Variants in TRIM66 observed in about 807,000 individuals in gnomAD.
TRIM66 encodes tripartite motif-containing protein 66.
Under a neutral mutation model 148.2 loss-of-function variants are expected in TRIM66, and 99 were observed. The ratio of observed to expected loss-of-function variants is 0.67; its 90% confidence interval spans 0.57 to 0.79. The LOEUF (loss-of-function observed/expected upper bound fraction) is 0.79, where lower values mean the gene tolerates loss of function less well. TRIM66 is among the 30% of genes least tolerant of loss of function. The probability of loss-of-function intolerance (pLI) is 0.00; values close to 1 mark genes in which losing one functional copy is unlikely to be tolerated. For synonymous variants in TRIM66, 616 were observed against 635.9 expected (o/e 0.97, Z 0.47); for missense variants, 1,666 against 1,697.9 (o/e 0.98, Z 0.33).
At chr11:8,640,168 G>A in intron 14 of TRIM66, 59 bp downstream of exon 14, 3 of 1,486,462 alleles carry the variant, frequency 2.0e-6, no homozygotes, top group Non-Finnish European at 1.8e-6. Context: ...GGGAGGCTGT[G>A]TTCCCTGAGT....
intron 3 of TRIM66, among the ~76,000 whole-genome samples, chr11:8,675,520 T>A (rs2039136541): frequency 6.6e-6 from 1 of 151,826 alleles, no homozygotes. Context: ...GCAGCTGGGA[T>A]TACAAGCATG....
chr11:8,617,945 C>G lies in TRIM66; in HGVS notation c.4178G>C (p.Ter1393SerextTer33), dbSNP rs543745597. The change falls in exon 25 of 25, where the codon TGA becomes TCA. Residue 1393 changes from the stop codon to serine (S), a stop_lost. Coordinates refer to ENST00000646038, the MANE Select transcript of TRIM66 (RefSeq NM_001388022.1). ...GAGTGCCCAGTCTCCTTTTGGCTCTCACACCTGAGAGATGCTGTTGGCCAG... is the reference window on the plus strand; with the variant it reads ...GAGTGCCCAGTCTCCTTTTGGCTCTGACACCTGAGAGATGCTGTTGGCCAG... ...FRLANSISQV[*>S] 6.4e-7 allele frequency: 1 copy of G among 1,551,702 alleles called. No individual in the cohort carries two copies. The highest frequency in any genetic ancestry group is 2.0e-5 in the Admixed American group (1 of 51,006).
At chr11:8,677,871 C>T (rs2039250390) in intron 3 of TRIM66, among the ~76,000 whole-genome samples, 1 of 152,126 alleles carries the variant, frequency 6.6e-6, no homozygotes, top group African/African-American at 2.4e-5. Flanking sequence ...CTCTATCCAA[C>T]ACAGGAAAGA....
At position 8,615,023 on chromosome 11, in the gene TRIM66, G is replaced by A. The variant is rs2033636250; in HGVS notation, c.*2921C>T. 1 of 152,234 alleles carries A rather than the reference G, an allele frequency of 6.6e-6. No individual in the cohort carries two copies. The highest frequency in any genetic ancestry group is 2.1e-4 in the South Asian group (1 of 4,830). 9.4% of individuals were successfully genotyped at this position (152,234 alleles called of 1,614,324 possible). On this transcript the variant is annotated 3_prime_UTR_variant, in exon 25 of 25. Transcript: ENST00000646038. ...AGCTCACTGCAACCTCCACCTCCCG[G>A]ATTCAAGCAATTCTCCTGCCTCAGC...
rs2039069735 is a variant in TRIM66, at chr11:8,674,096, T to C, written c.-112+710A>G. 3.9e-5 allele frequency among the ~76,000 whole-genome samples: 6 copies of C among 152,356 alleles called. 1 individual carries two copies. In the South Asian group the frequency reaches 1.2e-3, roughly 32 times the overall value. ...CAGTCTCTATTAGAAGGTTCAAGCA[T>C]GCCTGAGTTTATTTCACTGGGCCAG... On this transcript the variant is annotated intron_variant, in intron 4 of 24. Transcript: ENST00000646038.
intron 10 of TRIM66, 47 bp downstream of exon 10, chr11:8,647,923 C>CG: frequency 6.9e-7 from 1 of 1,444,648 alleles, no homozygotes; most frequent in Non-Finnish European, 9.5e-7. Context: ...CCTGGGTGTG[C>CG]GGGAACAGAG....
intron 6 of TRIM66, among the ~76,000 whole-genome samples, chr11:8,669,243 T>C (rs1275461301): frequency 6.6e-6 from 1 of 152,194 alleles, no homozygotes; most frequent in Admixed American, 6.5e-5. Flanking sequence ...CTATTTACCA[T>C]TACTGAAGAA....
upstream of TRIM66, chr11:8,682,780 G>C (rs369773551): frequency 2.2e-5 from 35 of 1,613,446 alleles, no homozygotes; most frequent in Middle Eastern, 1.6e-4. Context: ...GCGAGACTTG[G>C]CGAAGGCCTT....
At chr11:8,655,505 A>C (rs1290540684) in intron 6 of TRIM66, among the ~76,000 whole-genome samples, 1 of 152,096 alleles carries the variant, frequency 6.6e-6, no homozygotes, top group African/African-American at 2.4e-5. Flanking sequence ...CCTGGAGGCC[A>C]GGCACGGTGG....
intron 15 of TRIM66, among the ~76,000 whole-genome samples, chr11:8,638,358 C>A (rs1295389250): frequency 6.6e-6 from 1 of 152,200 alleles, no homozygotes; most frequent in East Asian, 1.9e-4. Flanking sequence ...AAGCAGCACA[C>A]ACGGTTCCAA....
chr11:8,655,264 AGT>A (rs1238949406), intron 6 of TRIM66, among the ~76,000 whole-genome samples: 2 of 152,232 alleles, frequency 1.3e-5, no homozygotes, highest in Non-Finnish European at 2.9e-5. Context: ...AAAAAAAGCC[AGT>A]GCAGGTTTAT....
At chr11:8,658,213 G>C (rs2037998942) in intron 6 of TRIM66, among the ~76,000 whole-genome samples, 1 of 152,190 alleles carries the variant, frequency 6.6e-6, no homozygotes, top group Non-Finnish European at 1.5e-5. Context: ...TATCTCGAAG[G>C]CTCTGCAGCA....
chr11:8,645,455 T>C (rs1467605089), intron 12 of TRIM66, among the ~76,000 whole-genome samples: 2 of 152,166 alleles, frequency 1.3e-5, no homozygotes, highest in Non-Finnish European at 2.9e-5. Context: ...ATCAATTACC[T>C]ATGACAAAGA....
intron 10 of TRIM66, among the ~76,000 whole-genome samples, chr11:8,647,037 CATATT>C (rs1358181082): frequency 6.8e-6 from 1 of 148,084 alleles, no homozygotes; most frequent in Admixed American, 6.8e-5. Context: ...ATATAATAAA[CATATT>C]ATATAATAAA....
At position 8,647,964 on chromosome 11, in the gene TRIM66, T is replaced by G. The variant is rs1472108636; in HGVS notation, c.842+6A>C. ...CCAGCACTGGCAAGGCACTAGCCTGTGCTACCTGTCCTCAATTTGCTTTGC... is the reference window on the plus strand; with the variant it reads ...CCAGCACTGGCAAGGCACTAGCCTGGGCTACCTGTCCTCAATTTGCTTTGC... On this transcript the variant is annotated splice_donor_region_variant and intron_variant, in intron 10 of 24. Coordinates refer to ENST00000646038, the MANE Select transcript of TRIM66 (RefSeq NM_001388022.1). 2 of 1,550,114 alleles carry G rather than the reference T, an allele frequency of 1.3e-6. No homozygotes were observed. The highest frequency in any genetic ancestry group is 1.2e-5 in the South Asian group (1 of 84,036).
upstream of TRIM66, chr11:8,682,942 G>A: frequency 6.1e-6 from 8 of 1,312,864 alleles, no homozygotes; most frequent in Non-Finnish European, 8.4e-6. Context: ...GCCGCCTGCG[G>A]GGCAGGGTGG....
chr11:8,652,431 C>G (rs77496841), intron 6 of TRIM66, among the ~76,000 whole-genome samples: 223 of 152,284 alleles, frequency 1.5e-3, no homozygotes, highest in Non-Finnish European at 2.4e-3. Context: ...GTATTTTTCT[C>G]TTAGTACAGC....
Position 8,620,047 on chromosome 11 carries a change from T to C in TRIM66, c.3747+3A>G. Reference sequence around the variant, plus strand: ...GGTGAGAGAACAGCGTGGCCTTCCTTACCAGGGGGCTGACAGGTTCATGGA... The same window carrying C: ...GGTGAGAGAACAGCGTGGCCTTCCTCACCAGGGGGCTGACAGGTTCATGGA... On this transcript the variant is annotated splice_donor_region_variant and intron_variant, in intron 22 of 24. Transcript: ENST00000646038. 3 of 1,551,638 alleles carry C rather than the reference T, an allele frequency of 1.9e-6. No individual in the cohort carries two copies. The highest frequency in any genetic ancestry group is 2.6e-6 in the Non-Finnish European group (3 of 1,146,916).
chr11:8,654,924 A>G (rs1429573911), intron 6 of TRIM66, among the ~76,000 whole-genome samples: 5 of 152,038 alleles, frequency 3.3e-5, no homozygotes, highest in Non-Finnish European at 7.4e-5. Flanking sequence ...GCAGCGGCAC[A>G]ATCTCGGCTC....
Sources: gnomAD v4.1 joint callset for allele counts (sites outside exome capture counted in the v4.1 genomes callset) on GRCh38, gnomAD v4.1.1 for gene constraint, MANE v1.5 for transcripts, NCBI Gene and HGNC (gene_info 2026-07-23, HGNC 2026-07-21) for gene names.